The following LRRC4C variants were observed in gnomAD, a reference collection of about 807,000 sequenced individuals.
The protein encoded by LRRC4C is leucine rich repeat containing 4C.
In LRRC4C, 5 loss-of-function variants were observed where a neutral mutation model predicts 33.6. That is an observed-to-expected ratio of 0.15 (90% CI 0.08 to 0.31). The LOEUF is 0.31. Ranked by LOEUF, LRRC4C falls within the 10% of genes least tolerant of loss-of-function variation. LRRC4C has a pLI of 1.00. For synonymous variants in LRRC4C, 329 were observed against 302.0 expected (o/e 1.09, Z -0.93); for missense variants, 560 against 796.7 (o/e 0.70, Z 3.58).
intron 3 of LRRC4C, among the ~76,000 whole-genome samples, chr11:40,481,998 G>C (rs947462174): frequency 5.9e-5 from 9 of 152,126 alleles, no homozygotes; most frequent in African/African-American, 2.2e-4. Flanking sequence ...ATTTGTAAAA[G>C]ATTAGAAAGT....
intron 1 of LRRC4C, among the ~76,000 whole-genome samples, chr11:41,154,416 C>A (rs1367013938): frequency 1.3e-5 from 2 of 151,840 alleles, no homozygotes; most frequent in African/African-American, 4.8e-5. Flanking sequence ...GTATTTAGTT[C>A]TATCATTGCT....
At chr11:41,152,016 C>A (rs1944021267) in intron 1 of LRRC4C, among the ~76,000 whole-genome samples, 1 of 152,166 alleles carries the variant, frequency 6.6e-6, no homozygotes, top group African/African-American at 2.4e-5. Context: ...CCACTACCCA[C>A]CCTTCTCTGT....
At chr11:40,735,868 G>A (rs551646162) in intron 2 of LRRC4C, among the ~76,000 whole-genome samples, 1 of 151,010 alleles carries the variant, frequency 6.6e-6, no homozygotes, top group African/African-American at 2.4e-5. Context: ...GTGTGAGATG[G>A]TATCTCATTG....
At chr11:41,396,774 C>T (rs1007382508) in intron 1 of LRRC4C, among the ~76,000 whole-genome samples, 4 of 151,956 alleles carry the variant, frequency 2.6e-5, no homozygotes, top group African/African-American at 4.8e-5. Context: ...ATTCAAGAAA[C>T]AGGCACGGGC....
chr11:40,316,819 C>A (rs1945596418), intron 4 of LRRC4C, among the ~76,000 whole-genome samples: 1 of 151,766 alleles, frequency 6.6e-6, no homozygotes, highest in South Asian at 2.1e-4. Context: ...TTTATGGGTG[C>A]CAGGAAACCA....
intron 5 of LRRC4C, among the ~76,000 whole-genome samples, chr11:40,223,006 C>CAT (rs1306972087): frequency 6.6e-6 from 1 of 151,506 alleles, no homozygotes; most frequent in Non-Finnish European, 1.5e-5. Context: ...GGAGCAAAGG[C>CAT]ATATGTAAGT....
chr11:41,359,246 G>A (rs1029196448), intron 1 of LRRC4C, among the ~76,000 whole-genome samples: 16 of 152,150 alleles, frequency 1.1e-4, no homozygotes, highest in Non-Finnish European at 1.9e-4. Context: ...GAAAAATATT[G>A]TGTATGAAAT....
chr11:40,573,779 G>A (rs1265501212), intron 3 of LRRC4C, among the ~76,000 whole-genome samples: 1 of 152,130 alleles, frequency 6.6e-6, no homozygotes, highest in Non-Finnish European at 1.5e-5. Context: ...CTGCACATTA[G>A]TTATGTGACT....
intron 1 of LRRC4C, among the ~76,000 whole-genome samples, chr11:41,112,375 A>T (rs1315180222): frequency 6.6e-6 from 1 of 152,074 alleles, no homozygotes; most frequent in Non-Finnish European, 1.5e-5. Context: ...GAATTCAATG[A>T]ACTAGGAGAC....
Position 40,587,480 on chromosome 11 carries a change from C to T in LRRC4C, c.-270+60662G>A, listed in dbSNP as rs1434257579. On this transcript the variant is annotated intron_variant, in intron 3 of 6. Transcript: ENST00000528697. ...AATACCCTTTATTTCCTTCTCCTGC[C>T]TAATTGCCCTGGCCAGAACTTCCAA... is the stretch of plus-strand genomic sequence containing the variant. 2.1e-5 allele frequency among the ~76,000 whole-genome samples: 3 copies of T among 144,156 alleles called. No individual in the cohort carries two copies. The Admixed American group carries it at 2.1e-4, about 10-fold the overall frequency. 94.6% of individuals were successfully genotyped at this position (144,156 alleles called of 152,430 possible).
At chr11:40,837,502 C>T (rs549174778) in intron 2 of LRRC4C, among the ~76,000 whole-genome samples, 197 of 151,422 alleles carry the variant, frequency 1.3e-3, no homozygotes, top group Middle Eastern at 3.4e-3. Flanking sequence ...CCAAATAAAC[C>T]GGCATATTGT....
rs576082693 is a variant in LRRC4C, at chr11:41,229,032, G to T, written c.-496+230399C>A. ...TCTGGGGGTGTAAATTCTCCTATTT[G>T]TTGCATTTTCTGACTTTTCATTATG... is the stretch of plus-strand genomic sequence containing the variant. On this transcript the variant is annotated intron_variant, in intron 1 of 6. Coordinates refer to ENST00000528697, the MANE Select transcript of LRRC4C (RefSeq NM_001258419.2). Among the ~76,000 whole-genome samples the T allele has an allele frequency of 2.6e-5, 4 of 152,058 alleles. No homozygotes were observed. In the South Asian group the frequency reaches 6.2e-4, roughly 24 times the overall value.
At chr11:40,944,696 C>G (rs761280667) in intron 1 of LRRC4C, among the ~76,000 whole-genome samples, 1 of 152,080 alleles carries the variant, frequency 6.6e-6, no homozygotes, top group Non-Finnish European at 1.5e-5. Flanking sequence ...TCTGCAAACA[C>G]CTGGTAGGTT....
chr11:40,608,555 A>T (rs1960875372), intron 3 of LRRC4C, among the ~76,000 whole-genome samples: 1 of 152,150 alleles, frequency 6.6e-6, no homozygotes, highest in Non-Finnish European at 1.5e-5. Context: ...AATTATTTTA[A>T]ATCTAAATTA....
At chr11:40,406,766 C>A (rs1191383403) in intron 3 of LRRC4C, among the ~76,000 whole-genome samples, 1 of 151,974 alleles carries the variant, frequency 6.6e-6, no homozygotes, top group Non-Finnish European at 1.5e-5. Context: ...TATATACAAC[C>A]AGGAATATAA....
chr11:40,399,860 ATAAGAG>A (rs1379194585), intron 3 of LRRC4C, among the ~76,000 whole-genome samples: 15 of 152,230 alleles, frequency 9.9e-5, no homozygotes, highest in African/African-American at 1.9e-4. Context: ...AGTTTAGTCT[ATAAGAG>A]TAAAAGAAAA....
chr11:41,067,345 T>A (rs553610629), intron 1 of LRRC4C, among the ~76,000 whole-genome samples: 2 of 152,288 alleles, frequency 1.3e-5, no homozygotes, highest in South Asian at 4.1e-4. Context: ...GGTAAAGGAA[T>A]CAATTCAACA....
In LRRC4C at chr11:40,816,782, A is replaced by G. The variant is rs369191935; in HGVS notation, c.-407+116853T>C. On this transcript the variant is annotated intron_variant, in intron 2 of 6. Transcript: ENST00000528697. ...CAACTTTTAAATAACCTTAAAATTG[A>G]TAAGTATATTACAACTAGTATTCTA... is the stretch of plus-strand genomic sequence containing the variant. 1.1e-4 allele frequency among the ~76,000 whole-genome samples: 16 copies of G among 152,170 alleles called. 1 individual carries two copies. The highest frequency in any genetic ancestry group is 7.7e-4 in the East Asian group (4 of 5,192).
chr11:41,340,712 G>T (rs11036362), intron 1 of LRRC4C, among the ~76,000 whole-genome samples: 25,988 of 151,986 alleles, frequency 0.17, 2,655 homozygotes, highest in East Asian at 0.44. Context: ...TTCTCCTTTA[G>T]AAAATAAAGA....
Sources: gnomAD v4.1 joint callset for allele counts (sites outside exome capture counted in the v4.1 genomes callset) on GRCh38, gnomAD v4.1.1 for gene constraint, MANE v1.5 for transcripts, NCBI Gene and HGNC (gene_info 2026-07-23, HGNC 2026-07-21) for gene names.